Variants in KCNN2 observed in about 807,000 individuals in gnomAD.
KCNN2 encodes the protein small conductance calcium-activated potassium channel protein 2.
In KCNN2, 24 loss-of-function variants were observed where a neutral mutation model predicts 55.5. The observed-to-expected ratio is 0.43, with a 90% CI of 0.31 to 0.61. The LOEUF (loss-of-function observed/expected upper bound fraction) is 0.61. Ranked by LOEUF, KCNN2 falls within the 20% of genes least tolerant of loss-of-function variation. KCNN2 has a pLI of 0.08. For missense variants in KCNN2, 754 were observed against 853.6 expected, an observed-to-expected ratio of 0.88 and a Z score of 1.45; for synonymous variants, 431 against 336.1, an observed-to-expected ratio of 1.28 and a Z score of -3.09.
At chr5:114,406,866 G>A (rs766889284) in intron 3 of KCNN2, among the ~76,000 whole-genome samples, 5 of 151,942 alleles carry the variant, frequency 3.3e-5, no homozygotes, top group South Asian at 4.1e-4. Context: ...ATATAAGAGA[G>A]ATATTTTTGA....
chr5:114,404,555 A>G lies in KCNN2; in HGVS notation c.1336A>G (p.Thr446Ala), dbSNP rs774292310. The G allele has an allele frequency of 6.2e-7, 1 of 1,613,792 alleles. No homozygotes were observed. The highest frequency in any genetic ancestry group is 8.5e-7 in the Non-Finnish European group (1 of 1,179,968). The change falls in exon 3 of 8, where the codon ACA (threonine) becomes GCA (alanine). Residue 446 changes from threonine to alanine, a missense_variant. Physicochemically the swap from Thr to Ala is moderately conservative, Grantham distance 58. Transcript: ENST00000673685. ...TATTCATCCCATACCTGGGAATTATACATTCACATGGACGGCCCGGCTTGC... is the reference window on the plus strand; with the variant it reads ...TATTCATCCCATACCTGGGAATTATGCATTCACATGGACGGCCCGGCTTGC... ...CAIHPIPGNY[T>A]FTWTARLAFS...
intron 2 of KCNN2, among the ~76,000 whole-genome samples, chr5:114,254,233 A>C (rs905081268): frequency 3.9e-5 from 6 of 152,190 alleles, no homozygotes; most frequent in African/African-American, 1.4e-4. Flanking sequence ...AAAATATAAA[A>C]ATACACTCAG....
At chr5:114,139,477 C>A (rs1265986408) in intron 1 of KCNN2, among the ~76,000 whole-genome samples, 2 of 144,284 alleles carry the variant, frequency 1.4e-5, no homozygotes, top group Non-Finnish European at 3.1e-5. Context: ...CACACACACA[C>A]ACCAGAAAGG....
intron 1 of KCNN2, among the ~76,000 whole-genome samples, chr5:114,153,172 G>A (rs189553890): frequency 4.6e-5 from 7 of 152,296 alleles, no homozygotes; most frequent in African/African-American, 1.4e-4. Context: ...TTAGATATAT[G>A]AGTCAGAAGT....
intron 1 of KCNN2, among the ~76,000 whole-genome samples, chr5:114,198,467 C>T (rs868736782): frequency 0.029 from 4,407 of 150,076 alleles, 223 homozygotes; most frequent in African/African-American, 0.1. Flanking sequence ...TACATATACA[C>T]ACACACACAC....
intron 1 of KCNN2, among the ~76,000 whole-genome samples, chr5:114,090,640 A>T (rs926990341): frequency 4.0e-5 from 6 of 151,808 alleles, no homozygotes; most frequent in Non-Finnish European, 7.4e-5. Flanking sequence ...TTGAATATAG[A>T]TATGCTATAT....
chr5:114,269,494 C>CTTTTTTT (rs67045907), intron 2 of KCNN2, among the ~76,000 whole-genome samples: 1 of 144,178 alleles, frequency 6.9e-6, no homozygotes, highest in South Asian at 2.2e-4. Context: ...TGGTTCTCAC[C>CTTTTTTT]TTTTTTTTTT....
chr5:114,103,668 A>G lies in KCNN2; in HGVS notation c.-271+47168A>G, dbSNP rs555186791. 7.9e-5 allele frequency among the ~76,000 whole-genome samples: 12 copies of G among 152,254 alleles called. No homozygotes were observed. In the East Asian group the frequency reaches 1.9e-3, roughly 25 times the overall value. On this transcript the variant is annotated intron_variant, in intron 1 of 10. Transcript: ENST00000512097. ...GAATTTTGTTGAAGGCCTTTTCTGC[A>G]TGTATTGAGATAATTGTGTGGTGTT...
chr5:114,235,600 A>G (rs1324232699), intron 2 of KCNN2, among the ~76,000 whole-genome samples: 1 of 152,228 alleles, frequency 6.6e-6, no homozygotes, highest in Non-Finnish European at 1.5e-5. Flanking sequence ...ACCAACGTGT[A>G]TACATGTGCT....
At chr5:114,194,219 G>A (rs779676734) in intron 1 of KCNN2, among the ~76,000 whole-genome samples, 23 of 152,034 alleles carry the variant, frequency 1.5e-4, no homozygotes, top group Non-Finnish European at 2.5e-4. Context: ...GATATCTAGT[G>A]GTGAAATGGC....
chr5:114,421,930 A>G (rs1759482920), intron 3 of KCNN2, among the ~76,000 whole-genome samples: 1 of 152,190 alleles, frequency 6.6e-6, no homozygotes, highest in Admixed American at 6.5e-5. Context: ...AATTAAAAAG[A>G]ATGTATCTGT....
rs1045916510 is a variant in KCNN2, at chr5:114,466,125, A to G, written c.1779+2935A>G. 7.9e-5 allele frequency among the ~76,000 whole-genome samples: 12 copies of G among 152,232 alleles called. No homozygotes were observed. The East Asian group carries it at 2.3e-3, about 29-fold the overall frequency. ...TCTCTTATTATTATTTTTATAAAAT[A>G]AGTCATGAGATTGCCTAATAGAAGA... On this transcript the variant is annotated intron_variant, in intron 4 of 7. Coordinates refer to ENST00000673685, the MANE Select transcript of KCNN2 (RefSeq NM_021614.4).
intron 5 of KCNN2, among the ~76,000 whole-genome samples, chr5:114,482,208 G>C (rs145335037): frequency 6.6e-6 from 1 of 152,002 alleles, no homozygotes. Context: ...TTAAAAAGTG[G>C]GCAAAGGACA....
chr5:114,138,178 A>G (rs1385105324), intron 1 of KCNN2, among the ~76,000 whole-genome samples: 1 of 152,176 alleles, frequency 6.6e-6, no homozygotes, highest in Non-Finnish European at 1.5e-5. Context: ...GAATCCAGTG[A>G]AAGTTCTGTT....
At chr5:114,439,730 A>G (rs1760139889) in intron 3 of KCNN2, among the ~76,000 whole-genome samples, 1 of 152,178 alleles carries the variant, frequency 6.6e-6, no homozygotes, top group Non-Finnish European at 1.5e-5. Flanking sequence ...CCTATAATAA[A>G]AGAATAGACT....
intron 2 of KCNN2, among the ~76,000 whole-genome samples, chr5:114,377,240 A>T (rs1757971955): frequency 6.6e-6 from 1 of 151,926 alleles, no homozygotes; most frequent in African/African-American, 2.4e-5. Context: ...ACTTGTTTTC[A>T]TTTAGGAATA....
chr5:114,375,838 AAAAG>A (rs1757911408), intron 2 of KCNN2, among the ~76,000 whole-genome samples: 1 of 151,552 alleles, frequency 6.6e-6, no homozygotes, highest in Admixed American at 6.6e-5. Flanking sequence ...TTATTTTGCA[AAAAG>A]AAAGCAACAA....
At chr5:114,325,912 C>T (rs1226886457) in intron 2 of KCNN2, among the ~76,000 whole-genome samples, 1 of 152,194 alleles carries the variant, frequency 6.6e-6, no homozygotes, top group East Asian at 1.9e-4. Context: ...GTACTATATA[C>T]ATCAAATGTT....
At chr5:114,129,652 T>C (rs1752031404) in intron 1 of KCNN2, among the ~76,000 whole-genome samples, 1 of 152,160 alleles carries the variant, frequency 6.6e-6, no homozygotes, top group African/African-American at 2.4e-5. Context: ...GGGAACAGGA[T>C]TGGACAAGGA....
Sources: allele counts gnomAD v4.1 joint callset (sites outside exome capture counted in the v4.1 genomes callset), GRCh38; gene constraint gnomAD v4.1.1; transcripts MANE v1.5; gene names NCBI Gene and HGNC (gene_info 2026-07-23, HGNC 2026-07-21).